The following AGBL2 variants were observed in gnomAD, a reference collection of about 807,000 sequenced individuals.
The protein encoded by AGBL2 is cytosolic carboxypeptidase 2.
AGBL2 carries 87 observed loss-of-function variants against 103.0 expected under a neutral mutation model. The observed-to-expected ratio is 0.84, with a 90% CI of 0.71 to 1.01. The LOEUF is 1.01. Ranked by LOEUF, AGBL2 falls within the 50% of genes least tolerant of loss-of-function variation. The probability of loss-of-function intolerance (pLI) is 0.00; values close to 1 mark genes in which losing one functional copy is unlikely to be tolerated. For synonymous variants in AGBL2, 335 were observed against 356.7 expected, an observed-to-expected ratio of 0.94 and a Z score of 0.69; for missense variants, 904 against 1,023.5, an observed-to-expected ratio of 0.88 and a Z score of 1.59.
intron 18 of AGBL2, among the ~76,000 whole-genome samples, chr11:47,662,549 A>C (rs2097330988): frequency 6.8e-6 from 1 of 146,280 alleles, no homozygotes; most frequent in Admixed American, 6.9e-5. Context: ...CTGGAGTGCA[A>C]TGGCACGATC....
chr11:47,714,978 CT>C (rs2097545806), intron 1 of AGBL2, 196 bp downstream of exon 1: 1 of 344,406 alleles, frequency 2.9e-6, no homozygotes, highest in African/African-American at 2.1e-5. Flanking sequence ...AAAGGAGATG[CT>C]CGCCACAGGA....
chr11:47,672,558 G>A lies in AGBL2; in HGVS notation c.2148-3651C>T, dbSNP rs192261156. Among the ~76,000 whole-genome samples the A allele has an allele frequency of 4.1e-3, 619 of 151,972 alleles. 4 individuals are homozygous for A. Among genetic ancestry groups the A allele is most frequent in the Admixed American group, 7.7e-3 (117 of 15,244 alleles). ...TTGAACTCCTGGGCTAAAGTGATCC[G>A]CCCATCTTGGCCTCCCAAAGTGCTA... On this transcript the variant is annotated intron_variant, in intron 14 of 18. Transcript: ENST00000525123.
At chr11:47,674,799 G>A (rs969364867) in intron 14 of AGBL2, among the ~76,000 whole-genome samples, 6 of 151,726 alleles carry the variant, frequency 4.0e-5, no homozygotes, top group East Asian at 2.0e-4. Context: ...GCAATGGTGC[G>A]ATCTCGGCTC....
At chr11:47,705,444 G>C in intron 6 of AGBL2, 77 bp downstream of exon 6, 1 of 196,392 alleles carries the variant, frequency 5.1e-6, no homozygotes, top group South Asian at 7.8e-5. Flanking sequence ...TCAGGAGTTC[G>C]AGACCAGCCT....
At chr11:47,676,602 G>T (rs2097375464) in intron 14 of AGBL2, among the ~76,000 whole-genome samples, 1 of 152,030 alleles carries the variant, frequency 6.6e-6, no homozygotes, top group Non-Finnish European at 1.5e-5. Flanking sequence ...GGTGGATCAC[G>T]AGGTCAGGAG....
At chr11:47,671,956 C>T (rs1049786696) in intron 14 of AGBL2, among the ~76,000 whole-genome samples, 1 of 152,122 alleles carries the variant, frequency 6.6e-6, no homozygotes, top group Non-Finnish European at 1.5e-5. Flanking sequence ...ATAGGTGGAA[C>T]CCCACTGGAG....
In AGBL2 at chr11:47,677,331, C is replaced by T. The variant is rs2097379542; in HGVS notation, c.2087G>A (p.Gly696Glu). ...QEIHKKFHEL[G>E]QDVDLEGSWS... ...ACTTCCTTCTAAATCTACATCTTGT[C>T]CAAGTTCATGGAATTTCTTGTGGAT... is the stretch of plus-strand genomic sequence containing the variant. The change falls in exon 14 of 19, where the codon GGA becomes GAA. Residue 696 changes from glycine to glutamate, a missense_variant. By Grantham distance (98) the Gly-to-Glu change is moderately conservative. Coordinates refer to ENST00000525123, the MANE Select transcript of AGBL2 (RefSeq NM_024783.4). The T allele has an allele frequency of 6.2e-7, 1 of 1,611,764 alleles. No individual in the cohort carries two copies.
intron 17 of AGBL2, among the ~76,000 whole-genome samples, chr11:47,664,852 C>A (rs889861262): frequency 6.6e-5 from 10 of 151,278 alleles, no homozygotes; most frequent in African/African-American, 1.9e-4. Context: ...GCTACCGTAC[C>A]TGACCTCAAA....
intron 7 of AGBL2, among the ~76,000 whole-genome samples, chr11:47,699,796 C>A (rs1480807403): frequency 6.6e-6 from 1 of 151,990 alleles, no homozygotes; most frequent in Non-Finnish European, 1.5e-5. Context: ...CATAGAAGAC[C>A]TAAGAATAAG....
At chr11:47,714,903 G>A in intron 1 of AGBL2, 153 bp from the exon 2 acceptor site, 1 of 527,794 alleles carries the variant, frequency 1.9e-6, no homozygotes, top group Non-Finnish European at 3.4e-6. Context: ...CTGAGACAGG[G>A]AGGGCAGCGT....
chr11:47,667,480 T>G, intron 16 of AGBL2, 91 bp downstream of exon 16: 1 of 1,450,470 alleles, frequency 6.9e-7, no homozygotes, highest in Non-Finnish European at 9.4e-7. Flanking sequence ...ATCCCCTTTT[T>G]GGTTTAGAGT....
Position 47,690,341 on chromosome 11 carries a change from C to G in AGBL2, c.1366G>C (p.Val456Leu). 6.2e-7 allele frequency: 1 copy of G among 1,613,954 alleles called. No homozygotes were observed. Among genetic ancestry groups the G allele is most frequent in the Non-Finnish European group, 8.5e-7 (1 of 1,179,914 alleles). The change falls in exon 10 of 19, where the codon GTC becomes CTC. Residue 456 changes from valine to leucine, a missense_variant. By Grantham distance (32) the Val-to-Leu change is conservative (BLOSUM62 1). Coordinates refer to ENST00000525123, the MANE Select transcript of AGBL2 (RefSeq NM_024783.4). ...PQEAAAKKAV[V>L]LSARVHPGES... ...CCAGGGTGAACTCTGGCACTCAAGA[C>G]CACAGCTTTCTTTGCAGCTGCCTCT...
chr11:47,675,438 G>T (rs1174008138), intron 14 of AGBL2, among the ~76,000 whole-genome samples: 1 of 119,222 alleles, frequency 8.4e-6, no homozygotes, highest in Non-Finnish European at 1.6e-5. Flanking sequence ...AGGCTGAAAC[G>T]CAGTGGCGCA....
rs1427087437 is a variant in AGBL2 at position 47,660,016 on chromosome 11, C to T, written c.*157G>A. 2 of 646,598 alleles carry T rather than the reference C, an allele frequency of 3.1e-6. No individual in the cohort carries two copies. The highest frequency in any genetic ancestry group is 1.9e-5 in the African/African-American group (1 of 53,166). 40.1% of individuals were successfully genotyped at this position (646,598 alleles called of 1,614,324 possible). A position where few individuals can be genotyped will look rare whatever the true frequency, so the allele number is the denominator to read the frequency against. On this transcript the variant is annotated 3_prime_UTR_variant, in exon 19 of 19. Coordinates refer to ENST00000525123, the MANE Select transcript of AGBL2 (RefSeq NM_024783.4). ...TGAGGTATGCATCTTGACCACATGC[C>T]CACAGTGTAAGTACAAAGTGTAAGG... is the stretch of plus-strand genomic sequence containing the variant.
chr11:47,674,056 C>A (rs1041950027), intron 14 of AGBL2, among the ~76,000 whole-genome samples: 1 of 151,490 alleles, frequency 6.6e-6, no homozygotes, highest in African/African-American at 2.4e-5. Context: ...CACGCCATTG[C>A]ACTCCAGCCT....
intron 14 of AGBL2, among the ~76,000 whole-genome samples, chr11:47,675,362 G>A (rs999011592): frequency 1.5e-5 from 2 of 135,556 alleles, no homozygotes; most frequent in Non-Finnish European, 3.1e-5. Flanking sequence ...TGCATACCCC[G>A]ACCCCCTGCT....
chr11:47,698,844 CTTTGTATTAT>C (rs1386410007), intron 8 of AGBL2, among the ~76,000 whole-genome samples: 1 of 151,500 alleles, frequency 6.6e-6, no homozygotes, highest in Non-Finnish European at 1.5e-5. Flanking sequence ...AGAGAATGTA[CTTTGTATTAT>C]TTTAATCCTT....
At chr11:47,690,899 C>A in intron 9 of AGBL2, 41 bp from the exon 10 acceptor site, 1 of 1,511,084 alleles carries the variant, frequency 6.6e-7, no homozygotes, top group Non-Finnish European at 8.9e-7. Flanking sequence ...AGCTTACACC[C>A]TGCCTTAAAA....
rs749906624 is a variant in AGBL2 at position 47,690,062 on chromosome 11, AT to A, written c.1631+13del. The A allele has an allele frequency of 2.5e-6, 4 of 1,589,574 alleles. No individual in the cohort carries two copies. Among genetic ancestry groups the A allele is most frequent in the Non-Finnish European group, 3.4e-6 (4 of 1,169,576 alleles). ...ATAGCAGTCACAGAAAGATCAACAG[AT>A]AAAAAGTCTCACCTTTTGATCATGT... On this transcript the variant is annotated intron_variant, in intron 10 of 18. Transcript: ENST00000525123.
Sources: allele counts gnomAD v4.1 joint callset (sites outside exome capture counted in the v4.1 genomes callset), GRCh38; gene constraint gnomAD v4.1.1; transcripts MANE v1.5; gene names NCBI Gene and HGNC (gene_info 2026-07-23, HGNC 2026-07-21).